The following SLC14A2 variants were observed in gnomAD, a reference collection of about 807,000 sequenced individuals.
SLC14A2 encodes the protein urea transporter 2.
SLC14A2 carries 91 observed loss-of-function variants against 104.6 expected under a neutral mutation model. The observed-to-expected ratio is 0.87, with a 90% CI of 0.73 to 1.04. The LOEUF is 1.04. Among genes scored for constraint, SLC14A2 ranks in the 50% least tolerant of loss-of-function variants. The pLI is 0.00. For missense variants in SLC14A2, 1,189 were observed against 1,156.0 expected, an observed-to-expected ratio of 1.03 and a Z score of -0.41; for synonymous variants, 476 against 466.4, an observed-to-expected ratio of 1.02 and a Z score of -0.27.
intron 2 of SLC14A2, among the ~76,000 whole-genome samples, chr18:45,583,082 G>A (rs1403782815): frequency 6.6e-6 from 1 of 152,244 alleles, no homozygotes; most frequent in African/African-American, 2.4e-5. Context: ...AGAGACATTG[G>A]AGAAGGGAAG....
At chr18:45,225,009 G>C (rs562579577) in intron 1 of SLC14A2, among the ~76,000 whole-genome samples, 4 of 152,246 alleles carry the variant, frequency 2.6e-5, no homozygotes, top group Admixed American at 2.6e-4. Context: ...GATCCCATTT[G>C]TCAATTTTGG....
chr18:45,455,518 C>T (rs2612546), intron 1 of SLC14A2, among the ~76,000 whole-genome samples: 74,008 of 151,720 alleles, frequency 0.49, 20,682 homozygotes, highest in African/African-American at 0.76. Context: ...AGGGGAAGGA[C>T]AGCATTAGGA....
intron 1 of SLC14A2, among the ~76,000 whole-genome samples, chr18:45,247,619 C>T (rs369211295): frequency 5.1e-4 from 77 of 152,110 alleles, no homozygotes; most frequent in African/African-American, 1.8e-3. Flanking sequence ...CATGCTCTAA[C>T]AGATCTCACC....
chr18:45,376,328 G>C (rs1287851376), intron 1 of SLC14A2, among the ~76,000 whole-genome samples: 1 of 152,186 alleles, frequency 6.6e-6, no homozygotes. Flanking sequence ...TAAATGCTCA[G>C]AAAGTGTTTG....
In SLC14A2 at chr18:45,414,681, A is replaced by T. The variant is rs950970611; in HGVS notation, c.-124-68552A>T. Among the ~76,000 whole-genome samples, 6 of 147,882 alleles carry T rather than the reference A, an allele frequency of 4.1e-5. 1 individual carries two copies. The South Asian group carries it at 1.3e-3, about 31-fold the overall frequency. ...TTCTTTCAAATAATTTTATAATTGC[A>T]TCAATTCATCTAGGATACAGTGGGC... is the stretch of plus-strand genomic sequence containing the variant. On this transcript the variant is annotated intron_variant, in intron 1 of 20. Coordinates refer to the SLC14A2 transcript ENST00000586448.
chr18:45,615,857 GA>G (rs2045061720), intron 1 of SLC14A2, among the ~76,000 whole-genome samples: 3 of 151,772 alleles, frequency 2.0e-5, no homozygotes, highest in African/African-American at 7.3e-5. Flanking sequence ...GAGAGAGAGA[GA>G]GGGAGAGAGA....
intron 1 of SLC14A2, among the ~76,000 whole-genome samples, chr18:45,448,401 T>A (rs772482324): frequency 6.6e-6 from 1 of 152,192 alleles, no homozygotes; most frequent in Admixed American, 6.5e-5. Flanking sequence ...ATATGTAAAC[T>A]GGGAGAGCTC....
intron 2 of SLC14A2, among the ~76,000 whole-genome samples, chr18:45,609,294 CCTTT>C (rs2044929800): frequency 6.6e-6 from 1 of 152,164 alleles, no homozygotes; most frequent in Non-Finnish European, 1.5e-5. Flanking sequence ...TATTCTCCTT[CCTTT>C]CTTTCTTGTA....
chr18:45,391,519 T>G (rs948110313), intron 1 of SLC14A2, among the ~76,000 whole-genome samples: 1 of 152,188 alleles, frequency 6.6e-6, no homozygotes, highest in African/African-American at 2.4e-5. Flanking sequence ...CCACAATGGT[T>G]GAACTAGTTT....
At chr18:45,649,842 A>T (rs1298795379) in intron 10 of SLC14A2, among the ~76,000 whole-genome samples, 1 of 152,226 alleles carries the variant, frequency 6.6e-6, no homozygotes. Flanking sequence ...TTCCTTTGTG[A>T]ATAACCTGTT....
chr18:45,400,632 T>C (rs1419717844), intron 1 of SLC14A2, among the ~76,000 whole-genome samples: 1 of 152,200 alleles, frequency 6.6e-6, no homozygotes, highest in Admixed American at 6.5e-5. Context: ...ACCCACTAGT[T>C]TTATTATCCA....
At chr18:45,572,950 T>C (rs1208597414) in intron 2 of SLC14A2, among the ~76,000 whole-genome samples, 1 of 152,204 alleles carries the variant, frequency 6.6e-6, no homozygotes, top group Admixed American at 6.5e-5. Context: ...GAAGCATCAT[T>C]GTTATTGTCA....
intron 1 of SLC14A2, among the ~76,000 whole-genome samples, chr18:45,342,722 A>G (rs1194090738): frequency 1.3e-5 from 2 of 152,198 alleles, no homozygotes; most frequent in Admixed American, 1.3e-4. Context: ...TTAGGAGGTA[A>G]ATTGAGCCAG....
At chr18:45,337,658 TA>T (rs1395131444) in intron 1 of SLC14A2, among the ~76,000 whole-genome samples, 2 of 152,196 alleles carry the variant, frequency 1.3e-5, no homozygotes, top group Non-Finnish European at 2.9e-5. Context: ...TGACCAGCAT[TA>T]ACATGATCTC....
In SLC14A2 at chr18:45,554,719, C is replaced by A. The variant is rs1025192873; in HGVS notation, c.-34-69912C>A. ...CAACATGGTGGGGATAAAACGACAA[C>A]AAAGGAAACAGCAGGCAGGGTATAA... On this transcript the variant is annotated intron_variant, in intron 2 of 20. Transcript: ENST00000586448. 3.9e-5 allele frequency among the ~76,000 whole-genome samples: 6 copies of A among 152,074 alleles called. 1 individual carries two copies. In the South Asian group the frequency reaches 1.0e-3, roughly 26 times the overall value.
intron 1 of SLC14A2, among the ~76,000 whole-genome samples, chr18:45,447,939 TAGTC>T (rs1413007060): frequency 6.6e-6 from 1 of 152,240 alleles, no homozygotes; most frequent in Non-Finnish European, 1.5e-5. Flanking sequence ...AAGTATTTAT[TAGTC>T]AAGTAATAAA....
At chr18:45,243,135 A>G (rs1272066871) in intron 1 of SLC14A2, among the ~76,000 whole-genome samples, 2 of 152,236 alleles carry the variant, frequency 1.3e-5, no homozygotes, top group East Asian at 3.8e-4. Flanking sequence ...ATTCAGTTGT[A>G]GTAATTACCC....
chr18:45,547,645 G>T (rs901979884), intron 2 of SLC14A2, among the ~76,000 whole-genome samples: 1 of 152,210 alleles, frequency 6.6e-6, no homozygotes, highest in Non-Finnish European at 1.5e-5. Context: ...GGCTCATTTA[G>T]TCTCCTTGAC....
chr18:45,567,237 C>T (rs1022590154), intron 2 of SLC14A2, among the ~76,000 whole-genome samples: 1 of 152,016 alleles, frequency 6.6e-6, no homozygotes, highest in East Asian at 1.9e-4. Context: ...CCCACCCCCA[C>T]CATCCCAGAC....
Sources: gnomAD v4.1 joint callset for allele counts (sites outside exome capture counted in the v4.1 genomes callset) on GRCh38, gnomAD v4.1.1 for gene constraint, MANE v1.5 for transcripts, NCBI Gene and HGNC (gene_info 2026-07-23, HGNC 2026-07-21) for gene names.